CNTNAP3: variants seen among roughly 807,000 people sequenced by gnomAD.
CNTNAP3 encodes contactin associated protein family member 3.
In CNTNAP3, 36 loss-of-function variants were observed where a neutral mutation model predicts 92.1. That is an observed-to-expected ratio of 0.39 (90% CI 0.30 to 0.52). CNTNAP3 has a LOEUF of 0.52. Ranked by LOEUF, CNTNAP3 falls within the 20% of genes least tolerant of loss-of-function variation. The probability of loss-of-function intolerance (pLI) is 0.76; values close to 1 mark genes in which losing one functional copy is unlikely to be tolerated. For missense variants in CNTNAP3, 534 were observed against 1,069.6 expected (o/e 0.50, Z 6.98); for synonymous variants, 232 against 422.3 (o/e 0.55, Z 5.53).
intron 18 of CNTNAP3, among the ~76,000 whole-genome samples, chr9:39,092,875 T>C (rs570817904): frequency 7.0e-6 from 1 of 142,850 alleles, no homozygotes; most frequent in African/African-American, 2.6e-5. Context: ...GTATTCTTTA[T>C]GTAATTTGGG....
Position 39,084,194 on chromosome 9 carries a change from G to GTT in CNTNAP3, c.3442+1540_3442+1541dup, listed in dbSNP as rs201621606. Among the ~76,000 whole-genome samples the GTT allele has an allele frequency of 3.8e-3, 445 of 116,838 alleles. 7 individuals carry two copies. Among genetic ancestry groups the GTT allele is most frequent in the African/African-American group, 0.01 (317 of 31,296 alleles). 76.7% of individuals were successfully genotyped at this position (116,838 alleles called of 152,430 possible). A position where few individuals can be genotyped will look rare whatever the true frequency, so the allele number is the denominator to read the frequency against. On this transcript the variant is annotated intron_variant, in intron 21 of 23. Coordinates refer to ENST00000297668, the MANE Select transcript of CNTNAP3 (RefSeq NM_033655.5). ...ACTGTTCATAGCAGATGCTCACCAA[G>GTT]TTTTTTTTTTTTTTTTTTTTTTGAG...
chr9:39,174,188 G>A (rs1022293638), intron 7 of CNTNAP3: 3 of 59,906 alleles, frequency 5.0e-5, no homozygotes, highest in African/African-American at 3.4e-4. Context: ...TTTAGGTAGA[G>A]GGCTGTTCCA....
intron 12 of CNTNAP3, among the ~76,000 whole-genome samples, chr9:39,135,161 G>A (rs1821400736): frequency 6.6e-6 from 1 of 152,072 alleles, no homozygotes; most frequent in Non-Finnish European, 1.5e-5. Context: ...ACCCAAAGAA[G>A]GACATAGACC....
intron 10 of CNTNAP3, among the ~76,000 whole-genome samples, chr9:39,145,103 T>C (rs1459230653): frequency 1.4e-5 from 2 of 138,798 alleles, no homozygotes; most frequent in African/African-American, 5.2e-5. Context: ...CACTATAATA[T>C]TGGGGGCCTA....
intron 9 of CNTNAP3, among the ~76,000 whole-genome samples, chr9:39,157,536 C>T (rs1201315421): frequency 1.8e-5 from 2 of 111,472 alleles, no homozygotes; most frequent in Non-Finnish European, 4.0e-5. Flanking sequence ...TTAGTAGAGA[C>T]GGGGTTTCAC....
rs376302748 is a variant in CNTNAP3, at chr9:39,116,598, C to T, written c.2237+1505G>A. ...TTTGAAACTATGGATCAGATCTGTT[C>T]CTGTTACTCACTGCACTAAAACTGC... On this transcript the variant is annotated intron_variant, in intron 14 of 23. Transcript: ENST00000297668. Among the ~76,000 whole-genome samples, 232 of 152,234 alleles carry T rather than the reference C, an allele frequency of 1.5e-3. 1 individual carries two copies. The highest frequency in any genetic ancestry group is 5.5e-3 in the African/African-American group (227 of 41,540).
rs1475222037 is a variant in CNTNAP3 at position 39,103,579 on chromosome 9, C to T, written c.2536+165G>A. ...CATGAGTGACACAGCAAAATCCTCTCTCCCTCTCTCAAAAAAAAAAAAATT... is the reference window on the plus strand; with the variant it reads ...CATGAGTGACACAGCAAAATCCTCTTTCCCTCTCTCAAAAAAAAAAAAATT... On this transcript the variant is annotated intron_variant, in intron 16 of 23. Coordinates refer to ENST00000297668, the MANE Select transcript of CNTNAP3 (RefSeq NM_033655.5). The T allele has an allele frequency of 5.1e-6, 4 of 784,152 alleles. No homozygotes were observed. The African/African-American group carries it at 5.4e-5, about 11-fold the overall frequency. 48.6% of individuals were successfully genotyped at this position (784,152 alleles called of 1,614,324 possible).
chr9:39,076,939 G>C (rs1028064102), intron 23 of CNTNAP3, among the ~76,000 whole-genome samples: 28 of 152,050 alleles, frequency 1.8e-4, no homozygotes, highest in Non-Finnish European at 2.8e-4. Context: ...CCTTTGCGAC[G>C]AGCGAGACTC....
rs1825621750 is a variant in CNTNAP3 at position 39,070,834 on chromosome 9, T to G, written c.*3056A>C. ...CACAAAAATTAAAAAATAAAAAAGA[T>G]TTCCCATCAAATATTCTTTCAGAGA... is the stretch of plus-strand genomic sequence containing the variant. On this transcript the variant is annotated 3_prime_UTR_variant, in exon 24 of 24. Transcript: ENST00000297668. 6.6e-6 allele frequency among the ~76,000 whole-genome samples: 1 copy of G among 152,270 alleles called. No homozygotes were observed. The highest frequency in any genetic ancestry group is 1.5e-5 in the Non-Finnish European group (1 of 68,032).
intron 2 of CNTNAP3, among the ~76,000 whole-genome samples, chr9:39,255,671 C>T (rs1822839798): frequency 1.7e-5 from 1 of 57,144 alleles, no homozygotes; most frequent in African/African-American, 3.6e-5. Flanking sequence ...GCATTAAGTA[C>T]ATTCACGTTG....
At chr9:39,087,733 G>A (rs1564069527) in intron 19 of CNTNAP3, among the ~76,000 whole-genome samples, 2 of 152,072 alleles carry the variant, frequency 1.3e-5, no homozygotes, top group East Asian at 3.9e-4. Context: ...TGATCCGCCT[G>A]CCTTGGCCTC....
At chr9:39,084,194 G>GTTTTTTTTT (rs201621606) in intron 21 of CNTNAP3, among the ~76,000 whole-genome samples, 5 of 116,878 alleles carry the variant, frequency 4.3e-5, no homozygotes, top group African/African-American at 1.6e-4. Context: ...TGCTCACCAA[G>GTTTTTTTTT]TTTTTTTTTT....
Position 39,071,712 on chromosome 9 carries a change from G to A in CNTNAP3, c.*2178C>T, listed in dbSNP as rs146590011. On this transcript the variant is annotated 3_prime_UTR_variant, in exon 24 of 24. Transcript: ENST00000297668. ...ACTGTTAGATGGTTGCTCTTTGGCAGAAGTTTAAATATATATATTCATAGA... is the reference window on the plus strand; with the variant it reads ...ACTGTTAGATGGTTGCTCTTTGGCAAAAGTTTAAATATATATATTCATAGA... Among the ~76,000 whole-genome samples, 13,691 of 147,124 alleles carry A rather than the reference G, an allele frequency of 0.093. 1,538 individuals carry two copies. The highest frequency in any genetic ancestry group is 0.28 in the African/African-American group (10,701 of 38,810).
intron 23 of CNTNAP3, among the ~76,000 whole-genome samples, chr9:39,074,822 G>A (rs1825711492): frequency 6.6e-6 from 1 of 152,198 alleles, no homozygotes; most frequent in Non-Finnish European, 1.5e-5. Context: ...AGTCTGGAGT[G>A]CAGTGGCGCG....
intron 18 of CNTNAP3, among the ~76,000 whole-genome samples, chr9:39,099,385 A>T (rs1197407655): frequency 1.3e-5 from 2 of 152,180 alleles, no homozygotes; most frequent in East Asian, 3.8e-4. Flanking sequence ...ATATTTAAAT[A>T]TTATTTTCCC....
intron 23 of CNTNAP3, among the ~76,000 whole-genome samples, chr9:39,077,459 C>A (rs921500430): frequency 1.6e-4 from 24 of 151,996 alleles, no homozygotes; most frequent in Admixed American, 1.0e-3. Flanking sequence ...CAGGAGGCTG[C>A]GGCAGGAGAA....
chr9:39,140,705 G>C, intron 11 of CNTNAP3, 67 bp from the exon 12 acceptor site: 2 of 1,508,116 alleles, frequency 1.3e-6, no homozygotes, highest in East Asian at 4.6e-5. Flanking sequence ...GTGTCCAAAG[G>C]TTTGCATTTC....
rs1825603796 is a variant in CNTNAP3, at chr9:39,069,898, A to T, written c.*3992T>A. Among the ~76,000 whole-genome samples, 1 of 152,072 alleles carries T rather than the reference A, an allele frequency of 6.6e-6. No homozygotes were observed. Among genetic ancestry groups the T allele is most frequent in the African/African-American group, 2.4e-5 (1 of 41,446 alleles). The stretch of plus-strand genomic sequence containing the variant: ...AAAGCTCTGTAATTCTTAGAATTCA[A>T]TTTTTTAATTAAAAAATTGGTTCTC... On this transcript the variant is annotated 3_prime_UTR_variant, in exon 24 of 24. Transcript: ENST00000297668.
intron 17 of CNTNAP3, among the ~76,000 whole-genome samples, chr9:39,100,396 C>G (rs191054920): frequency 6.6e-6 from 1 of 152,184 alleles, no homozygotes; most frequent in African/African-American, 2.4e-5. Context: ...TAAAACATTT[C>G]CTTAACTTCA....
Sources: allele counts gnomAD v4.1 joint callset (sites outside exome capture counted in the v4.1 genomes callset), GRCh38; gene constraint gnomAD v4.1.1; transcripts MANE v1.5; gene names NCBI Gene and HGNC (gene_info 2026-07-23, HGNC 2026-07-21).